Variants in ST6GALNAC5 observed in about 807,000 individuals in gnomAD.
ST6GALNAC5 encodes the protein ST6 N-acetylgalactosaminide alpha-2,6-sialyltransferase 5.
In ST6GALNAC5, 27 loss-of-function variants were observed where a neutral mutation model predicts 33.6. The ratio of observed to expected loss-of-function variants is 0.80; its 90% confidence interval spans 0.59 to 1.11. The LOEUF is 1.11. Among genes scored for constraint, ST6GALNAC5 ranks in the 50% least tolerant of loss-of-function variants. The pLI, the probability that ST6GALNAC5 is intolerant of heterozygous loss-of-function variation, is 0.00. For missense variants in ST6GALNAC5, 428 were observed against 454.0 expected (o/e 0.94, Z 0.52); for synonymous variants, 194 against 171.2 (o/e 1.13, Z -1.04).
chr1:76,914,827 C>A (rs1465995226), intron 2 of ST6GALNAC5, among the ~76,000 whole-genome samples: 5 of 152,090 alleles, frequency 3.3e-5, no homozygotes, highest in African/African-American at 1.2e-4. Context: ...CAACAAAAGC[C>A]AAAATTGACA....
chr1:76,962,301 A>G (rs1411252716), intron 2 of ST6GALNAC5, among the ~76,000 whole-genome samples: 1 of 152,216 alleles, frequency 6.6e-6, no homozygotes, highest in South Asian at 2.1e-4. Flanking sequence ...GAGTTGAAAG[A>G]CAGTGAGGAG....
At chr1:76,887,875 T>C (rs1051728214) in intron 2 of ST6GALNAC5, among the ~76,000 whole-genome samples, 2 of 152,106 alleles carry the variant, frequency 1.3e-5, no homozygotes, top group Non-Finnish European at 2.9e-5. Flanking sequence ...CCTCCTAAGA[T>C]TTTTTTTCAT....
intron 2 of ST6GALNAC5, among the ~76,000 whole-genome samples, chr1:77,000,930 C>T (rs915825464): frequency 2.6e-5 from 4 of 151,770 alleles, no homozygotes; most frequent in Admixed American, 6.6e-5. Flanking sequence ...TAGCGTGATG[C>T]CTCCAGCTTT....
chr1:77,020,315 G>C (rs1651004595), intron 2 of ST6GALNAC5, among the ~76,000 whole-genome samples: 1 of 152,196 alleles, frequency 6.6e-6, no homozygotes, highest in African/African-American at 2.4e-5. Context: ...AGTATTTTTA[G>C]CTTCCTTCTC....
chr1:76,905,587 T>TAGTTCCTGATCCAGGACA (rs1392507968), intron 2 of ST6GALNAC5, among the ~76,000 whole-genome samples: 1 of 152,242 alleles, frequency 6.6e-6, no homozygotes, highest in Non-Finnish European at 1.5e-5. Flanking sequence ...AGGACACTGT[T>TAGTTCCTGATCCAGGACA]CTTCAAATGG....
intron 2 of ST6GALNAC5, among the ~76,000 whole-genome samples, chr1:76,936,974 G>A (rs1209582012): frequency 1.3e-5 from 2 of 151,552 alleles, no homozygotes; most frequent in African/African-American, 4.8e-5. Flanking sequence ...GTGTGTGTGT[G>A]TGTGTGTGTG....
At chr1:76,969,955 C>G (rs948094305) in intron 2 of ST6GALNAC5, among the ~76,000 whole-genome samples, 2 of 152,010 alleles carry the variant, frequency 1.3e-5, no homozygotes, top group African/African-American at 2.4e-5. Context: ...CTGCGGATGA[C>G]TGTTAGAAGG....
intron 2 of ST6GALNAC5, among the ~76,000 whole-genome samples, chr1:77,001,847 A>G (rs1266012938): frequency 6.6e-6 from 1 of 151,750 alleles, no homozygotes; most frequent in Non-Finnish European, 1.5e-5. Context: ...AGCCCACTTG[A>G]TCATGGTGGA....
chr1:76,945,726 G>T (rs1305704713), intron 2 of ST6GALNAC5, among the ~76,000 whole-genome samples: 1 of 152,088 alleles, frequency 6.6e-6, no homozygotes, highest in Admixed American at 6.6e-5. Flanking sequence ...TTTCCCTCCG[G>T]TTCTCCAGGC....
chr1:76,887,932 C>T (rs1304670393), intron 2 of ST6GALNAC5, among the ~76,000 whole-genome samples: 2 of 152,052 alleles, frequency 1.3e-5, no homozygotes, highest in East Asian at 1.9e-4. Flanking sequence ...TCTATTTCCC[C>T]TCCCACCATA....
intron 2 of ST6GALNAC5, among the ~76,000 whole-genome samples, chr1:77,037,934 A>G (rs1651705522): frequency 6.6e-6 from 1 of 152,240 alleles, no homozygotes; most frequent in African/African-American, 2.4e-5. Flanking sequence ...GCACCTGGGT[A>G]GAAGGTGCAC....
intron 2 of ST6GALNAC5, among the ~76,000 whole-genome samples, chr1:77,008,807 G>A (rs1362089758): frequency 1.3e-5 from 2 of 152,214 alleles, no homozygotes; most frequent in Non-Finnish European, 2.9e-5. Flanking sequence ...TGGGATTACA[G>A]GCGTGAGCCA....
intron 2 of ST6GALNAC5, among the ~76,000 whole-genome samples, chr1:76,956,988 A>G (rs1648026209): frequency 1.3e-5 from 2 of 152,110 alleles, no homozygotes; most frequent in Non-Finnish European, 2.9e-5. Context: ...TCTAAAGTTT[A>G]TTTTATTTAT....
Position 76,981,608 on chromosome 1 carries a change from CT to C in ST6GALNAC5, c.262-62595del, listed in dbSNP as rs199515903. On this transcript the variant is annotated intron_variant, in intron 2 of 4. Coordinates refer to ENST00000477717, the MANE Select transcript of ST6GALNAC5 (RefSeq NM_030965.3). ...ACAACTTCTGCAGACTTAAATGTCC[CT>C]GTCTGACAGCTCTGAAGAGAGCAGT... Among the ~76,000 whole-genome samples the C allele has an allele frequency of 9.5e-3, 1,448 of 152,310 alleles. 22 individuals carry two copies. The highest frequency in any genetic ancestry group is 0.034 in the African/African-American group (1,399 of 41,570).
At chr1:76,982,679 C>A (rs1649305973) in intron 2 of ST6GALNAC5, among the ~76,000 whole-genome samples, 1 of 152,046 alleles carries the variant, frequency 6.6e-6, no homozygotes, top group Non-Finnish European at 1.5e-5. Flanking sequence ...AAAGATATTC[C>A]TTAAGAAGAG....
chr1:76,896,219 T>C (rs1654130244), intron 2 of ST6GALNAC5, among the ~76,000 whole-genome samples: 1 of 152,180 alleles, frequency 6.6e-6, no homozygotes, highest in South Asian at 2.1e-4. Context: ...AGGAAAGGCC[T>C]CTACCTATCC....
chr1:76,996,482 T>C (rs1309530431), intron 2 of ST6GALNAC5, among the ~76,000 whole-genome samples: 2 of 152,226 alleles, frequency 1.3e-5, no homozygotes, highest in East Asian at 1.9e-4. Flanking sequence ...CTGTTGAATA[T>C]GTTTGTGGAT....
At chr1:76,955,219 C>T (rs774621287) in intron 2 of ST6GALNAC5, among the ~76,000 whole-genome samples, 25 of 152,094 alleles carry the variant, frequency 1.6e-4, no homozygotes, top group Admixed American at 3.3e-4. Flanking sequence ...GATTAGGGTA[C>T]GATTAGTGTG....
chr1:76,960,320 T>C (rs1438765646), intron 2 of ST6GALNAC5, among the ~76,000 whole-genome samples: 3 of 151,982 alleles, frequency 2.0e-5, no homozygotes, highest in Admixed American at 2.0e-4. Flanking sequence ...ATTAGTGATT[T>C]TCAAAAGGGG....
Sources: gnomAD v4.1 joint callset for allele counts (sites outside exome capture counted in the v4.1 genomes callset) on GRCh38, gnomAD v4.1.1 for gene constraint, MANE v1.5 for transcripts, NCBI Gene and HGNC (gene_info 2026-07-23, HGNC 2026-07-21) for gene names.